VPS8: variants seen among roughly 807,000 people sequenced by gnomAD.
The protein encoded by VPS8 is vacuolar protein sorting-associated protein 8 homolog.
VPS8 carries 129 observed loss-of-function variants against 216.4 expected under a neutral mutation model. That is an observed-to-expected ratio of 0.60 (90% confidence interval 0.52 to 0.69). The LOEUF (loss-of-function observed/expected upper bound fraction) is 0.69. Ranked by LOEUF, VPS8 falls within the 30% of genes least tolerant of loss-of-function variation. The pLI, the probability that VPS8 is intolerant of heterozygous loss-of-function variation, is 0.00. For missense variants in VPS8, 1,531 were observed against 1,683.5 expected (o/e 0.91, Z 1.59); for synonymous variants, 571 against 565.4 (o/e 1.01, Z -0.14).
rs11425416 is a variant in VPS8 at position 185,000,612 on chromosome 3, C to CTT, written c.4002+764_4002+765dup. 6.7e-3 allele frequency among the ~76,000 whole-genome samples: 951 copies of CTT among 140,960 alleles called. 7 individuals are homozygous for CTT. Among genetic ancestry groups the CTT allele is most frequent in the African/African-American group, 0.01 (397 of 38,214 alleles). The allele number at this position is 140,960 out of a possible 152,430, so 92.5% of individuals were successfully genotyped here. On this transcript the variant is annotated intron_variant, in intron 45 of 47. Coordinates refer to ENST00000625842, the MANE Select transcript of VPS8 (RefSeq NM_001009921.3). ...GCTTGTTACTTTTCTCTTTTCGTTT[C>CTT]TTTTTTTTTTTTTTGAGATGCAGTC...
intron 36 of VPS8, among the ~76,000 whole-genome samples, chr3:184,949,878 T>TTTG (rs71162269): frequency 0.53 from 79,819 of 150,504 alleles, 22,377 homozygotes; most frequent in Middle Eastern, 0.69. Context: ...AATAGGGGTT[T>TTTG]TTGTTGTTGT....
chr3:184,832,598 C>G (rs1008243988), intron 3 of VPS8, 91 bp from the exon 4 acceptor site: 74 of 1,176,848 alleles, frequency 6.3e-5, no homozygotes, highest in Non-Finnish European at 8.0e-5. Flanking sequence ...GAAATAAGCA[C>G]TTGTGTGCTC....
chr3:184,931,375 A>G (rs534629597), intron 34 of VPS8, among the ~76,000 whole-genome samples: 1 of 152,302 alleles, frequency 6.6e-6, no homozygotes, highest in East Asian at 1.9e-4. Flanking sequence ...TACTTTTGGA[A>G]ATAACATTTA....
At chr3:185,007,960 A>G (rs536940722) in intron 45 of VPS8, among the ~76,000 whole-genome samples, 24 of 152,138 alleles carry the variant, frequency 1.6e-4, no homozygotes, top group Non-Finnish European at 3.1e-4. Flanking sequence ...GAACAGTGAT[A>G]TTAATGCCTG....
chr3:184,859,216 T>C (rs930436062), intron 14 of VPS8, among the ~76,000 whole-genome samples: 2 of 152,228 alleles, frequency 1.3e-5, no homozygotes, highest in African/African-American at 4.8e-5. Flanking sequence ...GGCTTCACCT[T>C]CAACATCATC....
At chr3:184,848,957 T>A in intron 8 of VPS8, 114 bp from the exon 9 acceptor site, 1 of 1,136,482 alleles carries the variant, frequency 8.8e-7, no homozygotes, top group Non-Finnish European at 1.3e-6. Context: ...TGTGACTTCA[T>A]TATCTGCTGC....
intron 46 of VPS8, among the ~76,000 whole-genome samples, chr3:185,039,111 G>A (rs1158112008): frequency 6.6e-6 from 1 of 152,202 alleles, no homozygotes; most frequent in African/African-American, 2.4e-5. Context: ...GTAGTGTGGA[G>A]TTCTACCTTA....
At chr3:185,012,447 G>C (rs2110003138) in intron 45 of VPS8, among the ~76,000 whole-genome samples, 1 of 150,254 alleles carries the variant, frequency 6.7e-6, no homozygotes, top group South Asian at 2.1e-4. Context: ...ATGGGAGCTG[G>C]GGACATTGGA....
chr3:184,926,517 G>A (rs1739680024), intron 30 of VPS8, 77 bp from the exon 31 acceptor site: 2 of 1,413,488 alleles, frequency 1.4e-6, no homozygotes, highest in Admixed American at 2.2e-5. Context: ...ATTTGAAAGG[G>A]TAGTTATTAT....
intron 20 of VPS8, among the ~76,000 whole-genome samples, chr3:184,870,038 C>T (rs1369750121): frequency 6.6e-6 from 1 of 151,984 alleles, no homozygotes; most frequent in Admixed American, 6.5e-5. Context: ...AGGAAGAAAA[C>T]CTGGGAATCT....
intron 1 of VPS8, among the ~76,000 whole-genome samples, chr3:184,823,339 C>A (rs1295226930): frequency 1.3e-5 from 2 of 152,192 alleles, no homozygotes; most frequent in African/African-American, 4.8e-5. Context: ...TAGTGAGACT[C>A]CATTTCTTAA....
chr3:185,023,999 T>C (rs183934108), intron 45 of VPS8, among the ~76,000 whole-genome samples: 2 of 152,372 alleles, frequency 1.3e-5, no homozygotes, highest in Admixed American at 1.3e-4. Flanking sequence ...TTGAGTTGCC[T>C]TCTGCAAGAA....
intron 40 of VPS8, among the ~76,000 whole-genome samples, chr3:184,975,407 G>GA (rs1749088238): frequency 6.6e-6 from 1 of 151,898 alleles, no homozygotes. Context: ...TTTGAATCCA[G>GA]CAACTTCACT....
At chr3:185,038,881 G>A (rs974958521) in intron 46 of VPS8, among the ~76,000 whole-genome samples, 6 of 152,142 alleles carry the variant, frequency 3.9e-5, no homozygotes, top group East Asian at 1.9e-4. Flanking sequence ...ATCAGAGACC[G>A]AAGATTTTCA....
chr3:184,864,756 A>G (rs1441027174), intron 16 of VPS8, among the ~76,000 whole-genome samples: 1 of 152,228 alleles, frequency 6.6e-6, no homozygotes, highest in Non-Finnish European at 1.5e-5. Flanking sequence ...AAGAATATTA[A>G]TAGGAATACA....
At chr3:184,930,969 G>A (rs1016020389) in intron 34 of VPS8, among the ~76,000 whole-genome samples, 34 of 152,206 alleles carry the variant, frequency 2.2e-4, no homozygotes, top group African/African-American at 6.3e-4. Context: ...TTATATAACA[G>A]GATGATGATT....
chr3:184,858,685 T>C (rs1362920872), intron 14 of VPS8, among the ~76,000 whole-genome samples: 1 of 152,206 alleles, frequency 6.6e-6, no homozygotes, highest in Non-Finnish European at 1.5e-5. Flanking sequence ...GCCAAAGCTT[T>C]GGCTAACTTT....
intron 36 of VPS8, among the ~76,000 whole-genome samples, chr3:184,949,358 G>A (rs948717834): frequency 2.6e-5 from 4 of 152,174 alleles, no homozygotes; most frequent in Non-Finnish European, 4.4e-5. Flanking sequence ...AACCAGGGAA[G>A]TGGAAAGTGA....
At chr3:184,864,403 G>A (rs1287117533) in intron 16 of VPS8, among the ~76,000 whole-genome samples, 1 of 152,192 alleles carries the variant, frequency 6.6e-6, no homozygotes, top group Non-Finnish European at 1.5e-5. Context: ...GCAAGAGAGA[G>A]TACTGGAGAA....
Sources: allele counts gnomAD v4.1 joint callset (sites outside exome capture counted in the v4.1 genomes callset), GRCh38; gene constraint gnomAD v4.1.1; transcripts MANE v1.5; gene names NCBI Gene and HGNC (gene_info 2026-07-23, HGNC 2026-07-21).